The following KCNN4 variants were observed in gnomAD, a reference collection of about 807,000 sequenced individuals.
KCNN4 encodes the protein potassium calcium-activated channel subfamily N member 4, also known as intermediate conductance calcium-activated potassium channel protein 4.
Under a neutral mutation model 45.2 loss-of-function variants are expected in KCNN4, and 31 were observed. That is an observed-to-expected ratio of 0.69 (90% confidence interval 0.52 to 0.92). The LOEUF is 0.92. Ranked by LOEUF, KCNN4 falls within the 40% of genes least tolerant of loss-of-function variation. The pLI, the probability that KCNN4 is intolerant of heterozygous loss-of-function variation, is 0.00. For missense variants in KCNN4, 463 were observed against 574.0 expected (o/e 0.81, Z 1.98); for synonymous variants, 231 against 254.6 (o/e 0.91, Z 0.88).
intron 7 of KCNN4, 94 bp from the exon 8 acceptor site, chr19:43,767,801 C>A: frequency 2.8e-6 from 4 of 1,429,332 alleles, no homozygotes; most frequent in Non-Finnish European, 3.9e-6. Context: ...TGACCACATC[C>A]TTATGGTCCT....
intron 1 of KCNN4, among the ~76,000 whole-genome samples, chr19:43,780,345 GCCCCCAACCTCTCCT>G (rs1969936756): frequency 9.6e-5 from 14 of 145,420 alleles, no homozygotes; most frequent in African/African-American, 3.6e-4. Flanking sequence ...AAGAGTCTAG[GCCCCCAACCTCTCCT>G]CCCTCAGATC....
chr19:43,775,844 G>A (rs1969785819), intron 2 of KCNN4, among the ~76,000 whole-genome samples: 1 of 151,802 alleles, frequency 6.6e-6, no homozygotes, highest in African/African-American at 2.4e-5. Context: ...CCCTGGGACC[G>A]GACCAGGTGC....
chr19:43,774,111 T>A lies in KCNN4; in HGVS notation c.683+81A>T. 2 of 1,427,136 alleles carry A rather than the reference T, an allele frequency of 1.4e-6. No individual in the cohort carries two copies. The highest frequency in any genetic ancestry group is 2.7e-5 in the South Asian group (2 of 73,720). 88.4% of individuals were successfully genotyped at this position (1,427,136 alleles called of 1,614,324 possible). The stretch of plus-strand genomic sequence containing the variant: ...CTCCACTGCTTGGTCCTAGGGGGCC[T>A]CAACCTGCACCGCGGCACAGGACGG... On this transcript the variant is annotated intron_variant, in intron 3 of 8. Coordinates refer to ENST00000648319, the MANE Select transcript of KCNN4 (RefSeq NM_002250.3). The surrounding 1 kb of genome is among the most constrained non-coding windows in gnomAD (Gnocchi z 5.6).
Position 43,769,863 on chromosome 19 carries a change from G to T in KCNN4, c.820-34C>A. 6.7e-7 allele frequency: 1 copy of T among 1,498,320 alleles called. No individual in the cohort carries two copies. Among genetic ancestry groups the T allele is most frequent in the Non-Finnish European group, 9.2e-7 (1 of 1,087,962 alleles). The allele number at this position is 1,498,320 out of a possible 1,614,324, so 92.8% of individuals were successfully genotyped here. The stretch of plus-strand genomic sequence containing the variant: ...ACAGCAGGCACCGTGGCATGAGGCT[G>T]TGCCACCGACTCCCTCCTTGAACCC... On this transcript the variant is annotated intron_variant, in intron 4 of 8. Coordinates refer to ENST00000648319, the MANE Select transcript of KCNN4 (RefSeq NM_002250.3). This position sits in a 1 kb window ranked among gnomAD's most constrained non-coding sequence, Gnocchi z 4.4.
At chr19:43,778,512 T>A (rs539425570) in intron 1 of KCNN4, among the ~76,000 whole-genome samples, 66 of 152,362 alleles carry the variant, frequency 4.3e-4, no homozygotes, top group Middle Eastern at 3.4e-3. Flanking sequence ...GTGCTGGGAT[T>A]ACAGGCGTGA....
chr19:43,773,327 T>A (rs1311521944), intron 3 of KCNN4, among the ~76,000 whole-genome samples: 1 of 152,188 alleles, frequency 6.6e-6, no homozygotes, highest in Non-Finnish European at 1.5e-5. Flanking sequence ...CTACAGATGG[T>A]GGAACGTGAC....
chr19:43,768,931 C>G, intron 7 of KCNN4, 32 bp downstream of exon 7: 1 of 1,612,816 alleles, frequency 6.2e-7, no homozygotes, highest in African/African-American at 1.3e-5. Context: ...CCTCCCCCTT[C>G]TTCAAGACCT....
chr19:43,767,297 G>C (rs1163480005), intron 8 of KCNN4: 2 of 527,792 alleles, frequency 3.8e-6, no homozygotes, highest in Non-Finnish European at 6.8e-6. Context: ...GGCAGAGAGA[G>C]AGAGAGAGAC....
intron 3 of KCNN4, among the ~76,000 whole-genome samples, chr19:43,773,276 AATT>A (rs1951017283): frequency 6.6e-6 from 1 of 152,226 alleles, no homozygotes; most frequent in South Asian, 2.1e-4. Flanking sequence ...TAGCCTGGAT[AATT>A]GAGACTCCAG....
intron 1 of KCNN4, among the ~76,000 whole-genome samples, chr19:43,777,008 G>A (rs920128819): frequency 2.6e-5 from 4 of 152,122 alleles, no homozygotes; most frequent in African/African-American, 9.7e-5. Flanking sequence ...CTTGAACCCA[G>A]GAGGTGGAAG....
intron 1 of KCNN4, among the ~76,000 whole-genome samples, chr19:43,778,625 G>C (rs1204445883): frequency 1.3e-5 from 2 of 152,072 alleles, no homozygotes; most frequent in Admixed American, 6.5e-5. Context: ...TTTCTCTTTA[G>C]CTGTACTTCT....
Position 43,769,292 on chromosome 19 carries a change from G to T in KCNN4, c.1049+150C>A. ...GCACAGACACATAGAGTCATGCACG[G>T]TCAGATCCAGGTGAGACCTGGATGT... On this transcript the variant is annotated intron_variant, in intron 6 of 8. Transcript: ENST00000648319. The surrounding 1 kb of genome is among the most constrained non-coding windows in gnomAD (Gnocchi z 4.4). The T allele has an allele frequency of 1.4e-6, 1 of 717,018 alleles. No homozygotes were observed. Among genetic ancestry groups the T allele is most frequent in the South Asian group, 1.6e-5 (1 of 61,874 alleles). 44.4% of individuals were successfully genotyped at this position (717,018 alleles called of 1,614,324 possible).
intron 1 of KCNN4, among the ~76,000 whole-genome samples, chr19:43,780,400 C>G (rs1355772639): frequency 2.9e-4 from 43 of 147,154 alleles, no homozygotes; most frequent in Non-Finnish European, 5.4e-4. Context: ...CCCCTCCTCC[C>G]TCAGACCCAG....
rs373026482 is a variant in KCNN4 at position 43,769,800 on chromosome 19, G to A, written c.849C>T (p.Ala283=). 21 of 1,613,352 alleles carry A rather than the reference G, an allele frequency of 1.3e-5. No homozygotes were observed. The highest frequency in any genetic ancestry group is 1.7e-5 in the Non-Finnish European group (20 of 1,179,868). The change falls in exon 5 of 9, where the codon GCC becomes GCT. Residue 283 remains alanine (A), a synonymous_variant. Coordinates refer to ENST00000648319, the MANE Select transcript of KCNN4 (RefSeq NM_002250.3). This position sits in a 1 kb window ranked among gnomAD's most constrained non-coding sequence, Gnocchi z 4.4. ...MGVCCTALLV[A]VVARKLEFNK... ...TAAACTCCAGCTTCCGGGCCACCAC[G>A]GCCACCAGCAGGGCTGTGCAGCAGA...
At position 43,769,585 on chromosome 19, in the gene KCNN4, G is replaced by A. The variant is rs370268494; in HGVS notation, c.931-25C>T. ...TCTGGGGGTGGGTGGCACAGTGTCC[G>A]TGGAGATAGACCCTTACGGTTCTGG... is the stretch of plus-strand genomic sequence containing the variant. On this transcript the variant is annotated intron_variant, in intron 5 of 8. Transcript: ENST00000648319. This position sits in a 1 kb window ranked among gnomAD's most constrained non-coding sequence, Gnocchi z 4.4. The A allele has an allele frequency of 3.4e-5, 54 of 1,601,884 alleles. No homozygotes were observed. Among genetic ancestry groups the A allele is most frequent in the Non-Finnish European group, 4.2e-5 (49 of 1,168,926 alleles).
chr19:43,779,984 AC>A (rs1969924176), intron 1 of KCNN4, among the ~76,000 whole-genome samples: 1 of 151,828 alleles, frequency 6.6e-6, no homozygotes, highest in Non-Finnish European at 1.5e-5. Flanking sequence ...TCCCATCCCC[AC>A]CCCCAAGGCA....
Position 43,776,622 on chromosome 19 carries a change from C to T in KCNN4, c.174G>A (p.Leu58=), listed in dbSNP as rs748406599. ...TGCTGATCGTGCATTTAACCAGGAA[C>T]AGGTAGAGCGCCCACTGTCAGGGGG... ...WFGGCSWALY[L]FLVKCTISIS... is the part of the protein sequence containing the mutation. The change falls in exon 2 of 9, where the codon CTG becomes CTA. Residue 58 remains leucine (L), a synonymous_variant. Coordinates refer to ENST00000648319, the MANE Select transcript of KCNN4 (RefSeq NM_002250.3). The T allele has an allele frequency of 1.4e-5, 22 of 1,613,250 alleles. No homozygotes were observed. In the Admixed American group the frequency reaches 3.7e-4, roughly 27 times the overall value.
rs1366750896 is a variant in KCNN4, at chr19:43,769,596, C to T, written c.931-36G>A. On this transcript the variant is annotated intron_variant, in intron 5 of 8. Coordinates refer to ENST00000648319, the MANE Select transcript of KCNN4 (RefSeq NM_002250.3). The surrounding 1 kb of genome is among the most constrained non-coding windows in gnomAD (Gnocchi z 4.4). ...GTGGCACAGTGTCCGTGGAGATAGA[C>T]CCTTACGGTTCTGGGAAGGCAGGGC... The T allele has an allele frequency of 6.3e-7, 1 of 1,597,058 alleles. No homozygotes were observed. The highest frequency in any genetic ancestry group is 1.1e-5 in the South Asian group (1 of 90,760).
chr19:43,774,714 G>T lies in KCNN4; in HGVS notation c.256-95C>A. Reference sequence around the variant, plus strand: ...CTGCCTGCGCCCTGAGATAAGTGGGGTGTGCCGCCTGGCCAGGAGGGAGGG... The same window carrying T: ...CTGCCTGCGCCCTGAGATAAGTGGGTTGTGCCGCCTGGCCAGGAGGGAGGG... On this transcript the variant is annotated intron_variant, in intron 2 of 8. Coordinates refer to ENST00000648319, the MANE Select transcript of KCNN4 (RefSeq NM_002250.3). This position sits in a 1 kb window ranked among gnomAD's most constrained non-coding sequence, Gnocchi z 5.6. 1 of 1,110,374 alleles carries T rather than the reference G, an allele frequency of 9.0e-7. No homozygotes were observed. Among genetic ancestry groups the T allele is most frequent in the Non-Finnish European group, 1.2e-6 (1 of 821,104 alleles). 68.8% of individuals were successfully genotyped at this position (1,110,374 alleles called of 1,614,324 possible).
Sources: gnomAD v4.1 joint callset for allele counts (sites outside exome capture counted in the v4.1 genomes callset) on GRCh38, gnomAD v4.1.1 for gene constraint, Gnocchi (gnomAD v3.1) non-coding constraint, MANE v1.5 for transcripts, NCBI Gene and HGNC (gene_info 2026-07-23, HGNC 2026-07-21) for gene names.